Variants in PIK3C2A observed in about 807,000 individuals in gnomAD.
The protein encoded by PIK3C2A is phosphatidylinositol 4-phosphate 3-kinase C2 domain-containing subunit alpha.
A neutral mutation model predicts 204.5 loss-of-function variants in PIK3C2A; 97 were observed. The ratio of observed to expected loss-of-function variants is 0.47; its 90% CI spans 0.40 to 0.56. The LOEUF (loss-of-function observed/expected upper bound fraction) is 0.56. Ranked by LOEUF, PIK3C2A falls within the 20% of genes least tolerant of loss-of-function variation. The pLI, the probability that PIK3C2A is intolerant of heterozygous loss-of-function variation, is 0.00. For missense variants in PIK3C2A, 1,735 were observed against 1,969.2 expected, an observed-to-expected ratio of 0.88 and a Z score of 2.25; for synonymous variants, 653 against 664.4, an observed-to-expected ratio of 0.98 and a Z score of 0.26.
At chr11:17,143,097 C>T (rs1039547447) in intron 8 of PIK3C2A, among the ~76,000 whole-genome samples, 4 of 151,792 alleles carry the variant, frequency 2.6e-5, no homozygotes, top group South Asian at 2.1e-4. Context: ...ACACTCCATA[C>T]GAAACTCCAG....
At chr11:17,150,686 T>C (rs1280079552) in intron 3 of PIK3C2A, 31 bp from the exon 4 acceptor site, 1 of 1,537,252 alleles carries the variant, frequency 6.5e-7, no homozygotes, top group Non-Finnish European at 8.8e-7. Flanking sequence ...ATTAAATTCT[T>C]TTTTAAAAAA....
intron 1 of PIK3C2A, among the ~76,000 whole-genome samples, chr11:17,174,869 C>T (rs976859994): frequency 1.3e-5 from 2 of 151,882 alleles, no homozygotes; most frequent in African/African-American, 2.4e-5. Context: ...CATTGCACTC[C>T]AGCCTTGGCA....
chr11:17,109,985 C>G (rs1326885786), intron 22 of PIK3C2A, among the ~76,000 whole-genome samples: 1 of 152,130 alleles, frequency 6.6e-6, no homozygotes, highest in Admixed American at 6.5e-5. Flanking sequence ...TAGAGTCTCA[C>G]TGTGTCACCG....
intron 1 of PIK3C2A, among the ~76,000 whole-genome samples, chr11:17,188,811 C>A (rs2137544951): frequency 1.4e-5 from 2 of 147,128 alleles, no homozygotes; most frequent in Admixed American, 1.3e-4. Flanking sequence ...TGGCAAGTGG[C>A]AGACAGAAAT....
chr11:17,169,717 C>T lies in PIK3C2A; in HGVS notation c.25G>A (p.Gly9Arg), dbSNP rs772530586. 6.9e-6 allele frequency: 11 copies of T among 1,602,888 alleles called. No homozygotes were observed. The highest frequency in any genetic ancestry group is 2.7e-5 in the African/African-American group (2 of 74,702). Reference protein sequence around the residue: MAQISSNSGFKECPSSHPE... With the variant: MAQISSNSRFKECPSSHPE... ...TGTGAAGATGGACATTCTTTAAATCCGCTGTTGCTAGATATCTGAGCCATG... is the reference window on the plus strand; with the variant it reads ...TGTGAAGATGGACATTCTTTAAATCTGCTGTTGCTAGATATCTGAGCCATG... The change falls in exon 2 of 33, where the codon GGA (glycine) becomes AGA (arginine). Residue 9 changes from glycine (G) to arginine (R), a missense_variant. This residue lies in a region of PIK3C2A where 536 missense variants were observed against 546.7 expected (regional missense o/e 0.98). Transcript: ENST00000691414.
Position 17,114,469 on chromosome 11 carries a change from T to A in PIK3C2A, c.3217-4A>T. On this transcript the variant is annotated splice_polypyrimidine_tract_variant and splice_region_variant and intron_variant, in intron 19 of 32. Transcript: ENST00000691414. Reference sequence around the variant, plus strand: ...CCATACTTCTTTGGAGAACAACCTATAGAAAGAGATGTGATACTGTAAGTA... The same window carrying A: ...CCATACTTCTTTGGAGAACAACCTAAAGAAAGAGATGTGATACTGTAAGTA... 7.7e-7 allele frequency: 1 copy of A among 1,303,148 alleles called. No individual in the cohort carries two copies. Among genetic ancestry groups the A allele is most frequent in the Non-Finnish European group, 1.1e-6 (1 of 898,042 alleles). The allele number at this position is 1,303,148 out of a possible 1,614,324, so 80.7% of individuals were successfully genotyped here.
Position 17,117,604 on chromosome 11 carries a change from G to A in PIK3C2A, c.3103C>T (p.Leu1035=). The change falls in exon 19 of 33, where the codon CTG becomes TTG. Residue 1035 remains leucine (L), a synonymous_variant. Transcript: ENST00000691414. The part of the protein sequence containing the change: ...TRYEHVLGAL[L]SVGGKRLREE... The stretch of plus-strand genomic sequence containing the variant: ...CTAAGTCGTTTTCCTCCTACTGACA[G>A]GAGAGCACCCAAAACATGTTCGTAT... 2 of 1,613,214 alleles carry A rather than the reference G, an allele frequency of 1.2e-6. No homozygotes were observed. Among genetic ancestry groups the A allele is most frequent in the South Asian group, 1.1e-5 (1 of 91,060 alleles).
intron 19 of PIK3C2A, 62 bp downstream of exon 19, chr11:17,117,429 A>T: frequency 8.8e-7 from 1 of 1,136,010 alleles, no homozygotes; most frequent in Non-Finnish European, 1.3e-6. Flanking sequence ...TTAATTAGTC[A>T]GCACCATAAA....
intron 22 of PIK3C2A, among the ~76,000 whole-genome samples, chr11:17,105,523 T>G (rs1189423291): frequency 1.3e-5 from 2 of 152,170 alleles, no homozygotes; most frequent in Non-Finnish European, 2.9e-5. Flanking sequence ...ATTAGGTATT[T>G]GTCCTAATGC....
At chr11:17,167,662 A>T (rs533351613) in intron 2 of PIK3C2A, among the ~76,000 whole-genome samples, 3 of 152,250 alleles carry the variant, frequency 2.0e-5, no homozygotes, top group Admixed American at 2.0e-4. Flanking sequence ...AATTCAACAT[A>T]AACCGATCCA....
At chr11:17,143,344 C>A (rs1484911022) in intron 8 of PIK3C2A, among the ~76,000 whole-genome samples, 1 of 152,076 alleles carries the variant, frequency 6.6e-6, no homozygotes, top group Non-Finnish European at 1.5e-5. Context: ...TTCACCTGGA[C>A]TGCTATAAAA....
intron 26 of PIK3C2A, among the ~76,000 whole-genome samples, chr11:17,098,105 A>G (rs1433079760): frequency 1.3e-5 from 2 of 152,230 alleles, no homozygotes; most frequent in African/African-American, 4.8e-5. Context: ...AGCAAAGGAA[A>G]TAAGTCTCAG....
chr11:17,137,852 T>C (rs1849926068), intron 8 of PIK3C2A: 1 of 313,158 alleles, frequency 3.2e-6, no homozygotes, highest in Non-Finnish European at 6.2e-6. Flanking sequence ...ATTTTGTCAA[T>C]TGAACACACA....
At position 17,169,653 on chromosome 11, in the gene PIK3C2A, T is replaced by G. The variant is rs148632636; in HGVS notation, c.89A>C (p.Glu30Ala). The change falls in exon 2 of 33, where the codon GAA becomes GCA. Residue 30 changes from glutamate (E) to alanine (A), a missense_variant. Glu to Ala is a moderately radical substitution (Grantham distance 107). Transcript: ENST00000691414. Reference protein sequence around the residue: ...PTRAKDVDKEEALQMEAEALA... With the variant: ...PTRAKDVDKEAALQMEAEALA... ...AGCCTCTGCTTCCATCTGTAATGCT[T>G]CTTCTTTGTCCACATCTTTTGCTCT... 3.0e-5 allele frequency: 49 copies of G among 1,613,302 alleles called. No homozygotes were observed. Among genetic ancestry groups the G allele is most frequent in the African/African-American group, 2.7e-4 (20 of 74,936 alleles).
chr11:17,092,168 A>C lies in PIK3C2A; in HGVS notation c.4560T>G (p.Asp1520Glu), dbSNP rs1403376990. 5 of 1,578,840 alleles carry C rather than the reference A, an allele frequency of 3.2e-6. No homozygotes were observed. In the South Asian group the frequency reaches 3.3e-5, roughly 10 times the overall value. The part of the protein sequence containing the change: ...YLQSLMNAST[D>E]VAECDLVCTF... ...CATTTAGTAAGGTTACCTCTGCTACATCCGTTGAAGCATTCATCAAACTCT... is the reference window on the plus strand; with the variant it reads ...CATTTAGTAAGGTTACCTCTGCTACCTCCGTTGAAGCATTCATCAAACTCT... Residue 1520 changes from aspartate to glutamate, a missense_variant, in exon 29 of 33, where the codon GAT becomes GAG. Asp to Glu is a conservative substitution (Grantham distance 45). Transcript: ENST00000691414.
intron 8 of PIK3C2A, among the ~76,000 whole-genome samples, chr11:17,145,419 G>A (rs563772471): frequency 6.6e-6 from 1 of 152,182 alleles, no homozygotes; most frequent in East Asian, 1.9e-4. Flanking sequence ...AATGGGTCCC[G>A]TTCACTTGAC....
At position 17,148,207 on chromosome 11, in the gene PIK3C2A, CAA is replaced by C. The variant is rs5789974; in HGVS notation, c.1448+458_1448+459del. On this transcript the variant is annotated intron_variant, in intron 5 of 32. Transcript: ENST00000691414. ...CTGGGTAACGAGTGAAACTCCGTCT[CAA>C]AAAAAAAAAAAAAAAGATATAATAA... 5.2e-3 allele frequency: 517 copies of C among 99,760 alleles called. 1 individual carries two copies. Among genetic ancestry groups the C allele is most frequent in the Admixed American group, 6.4e-3 (68 of 10,562 alleles). 6.2% of individuals were successfully genotyped at this position (99,760 alleles called of 1,614,324 possible).
rs869055451 is a variant in PIK3C2A, at chr11:17,201,525, C to CA, written c.-66+6322dup. On this transcript the variant is annotated intron_variant, in intron 1 of 32. Coordinates refer to ENST00000691414, the MANE Select transcript of PIK3C2A (RefSeq NM_002645.4). ...CTGGTGAAAGAACGTGACTCCGTCT[C>CA]AAAAAAAAAAAAAAAAAAGAAAAAA... Among the ~76,000 whole-genome samples, 171 of 28,664 alleles carry CA rather than the reference C, an allele frequency of 6.0e-3. 1 individual carries two copies. Among genetic ancestry groups the CA allele is most frequent in the Middle Eastern group, 0.031 (2 of 64 alleles). 18.8% of individuals were successfully genotyped at this position (28,664 alleles called of 152,430 possible).
At chr11:17,113,690 G>T (rs1235970363) in intron 20 of PIK3C2A, among the ~76,000 whole-genome samples, 1 of 149,868 alleles carries the variant, frequency 6.7e-6, no homozygotes, top group Non-Finnish European at 1.5e-5. Flanking sequence ...GCTGAGGCAG[G>T]AGAATCACTT....
Sources: allele counts gnomAD v4.1 joint callset (sites outside exome capture counted in the v4.1 genomes callset), GRCh38; gene constraint gnomAD v4.1.1; regional missense constraint gnomAD v4.1.1; transcripts MANE v1.5; gene names NCBI Gene and HGNC (gene_info 2026-07-23, HGNC 2026-07-21).